PCOLCE2: variants seen among roughly 807,000 people sequenced by gnomAD.
PCOLCE2 encodes the protein procollagen C-proteinase enhancer 2.
A neutral mutation model predicts 47.0 loss-of-function variants in PCOLCE2; 42 were observed. The ratio of observed to expected loss-of-function variants is 0.89; its 90% confidence interval spans 0.70 to 1.16. The LOEUF is 1.16. PCOLCE2 is among the 50% of genes most tolerant of loss of function. The pLI, the probability that PCOLCE2 is intolerant of heterozygous loss-of-function variation, is 0.00. For missense variants in PCOLCE2, 500 were observed against 526.1 expected (o/e 0.95, Z 0.49); for synonymous variants, 169 against 191.7 (o/e 0.88, Z 0.98).
intron 2 of PCOLCE2, among the ~76,000 whole-genome samples, chr3:142,857,681 AG>A (rs1464432593): frequency 2.0e-5 from 3 of 152,246 alleles, no homozygotes; most frequent in Non-Finnish European, 4.4e-5. Flanking sequence ...ATGTGGACAC[AG>A]GGCCACCCTG....
chr3:142,853,118 G>C (rs984756494), intron 2 of PCOLCE2, among the ~76,000 whole-genome samples: 9 of 147,796 alleles, frequency 6.1e-5, no homozygotes, highest in African/African-American at 1.7e-4. Context: ...AAAAAAAAAA[G>C]GGAAAATGGG....
intron 2 of PCOLCE2, among the ~76,000 whole-genome samples, chr3:142,874,481 TC>T (rs1051080273): frequency 1.1e-4 from 16 of 152,200 alleles, no homozygotes; most frequent in Non-Finnish European, 2.1e-4. Context: ...CCTGACACCT[TC>T]CCAGCCATGA....
At chr3:142,888,614 GC>G (rs1933762158) in intron 1 of PCOLCE2, 199 bp downstream of exon 1, 1 of 424,892 alleles carries the variant, frequency 2.4e-6, no homozygotes, top group African/African-American at 2.1e-5. Flanking sequence ...CCAGGAGGGA[GC>G]CCCGCGAGCA....
chr3:142,858,742 T>TGC (rs1249890947), intron 2 of PCOLCE2, among the ~76,000 whole-genome samples: 1 of 141,614 alleles, frequency 7.1e-6, no homozygotes, highest in Non-Finnish European at 1.6e-5. Flanking sequence ...TGTATGTGTG[T>TGC]GTGTGTGTGT....
Position 142,852,222 on chromosome 3 carries a change from A to G in PCOLCE2, c.193-3750T>C, listed in dbSNP as rs185717683. 7.4e-4 allele frequency among the ~76,000 whole-genome samples: 113 copies of G among 152,150 alleles called. 1 individual carries two copies. In the East Asian group the frequency reaches 0.016, roughly 21 times the overall value. ...GTGAGCCTTTTCAGTATGACACAAC[A>G]TCCGTTCTTCATTTTTTATATGAGT... On this transcript the variant is annotated intron_variant, in intron 2 of 8. Coordinates refer to ENST00000295992, the MANE Select transcript of PCOLCE2 (RefSeq NM_013363.4).
chr3:142,862,540 G>A (rs1038137413), intron 2 of PCOLCE2, among the ~76,000 whole-genome samples: 4 of 152,182 alleles, frequency 2.6e-5, no homozygotes, highest in African/African-American at 4.8e-5. Flanking sequence ...TGAAATAAAT[G>A]CTTAAATACA....
chr3:142,829,961 CTTAAAAG>C, intron 5 of PCOLCE2, 115 bp from the exon 6 acceptor site: 1 of 571,400 alleles, frequency 1.8e-6, no homozygotes, highest in Non-Finnish European at 3.0e-6. Context: ...GTTGTTTAAA[CTTAAAAG>C]TTAAAACGTT....
intron 2 of PCOLCE2, among the ~76,000 whole-genome samples, chr3:142,874,557 G>A (rs1933462190): frequency 6.6e-6 from 1 of 152,168 alleles, no homozygotes. Context: ...GTTTTTTATA[G>A]CAGTGTGAAA....
intron 5 of PCOLCE2, among the ~76,000 whole-genome samples, chr3:142,830,512 T>A (rs1391200489): frequency 6.6e-6 from 1 of 152,232 alleles, no homozygotes; most frequent in Non-Finnish European, 1.5e-5. Context: ...GAAACATTTC[T>A]ATTATAATCT....
At chr3:142,878,686 C>G (rs1933547835) in intron 2 of PCOLCE2, among the ~76,000 whole-genome samples, 1 of 152,148 alleles carries the variant, frequency 6.6e-6, no homozygotes, top group Non-Finnish European at 1.5e-5. Flanking sequence ...AAAACCCTAT[C>G]TCTACTAAAA....
At chr3:142,824,952 C>A (rs994031890) in intron 6 of PCOLCE2, among the ~76,000 whole-genome samples, 2 of 152,068 alleles carry the variant, frequency 1.3e-5, no homozygotes, top group Non-Finnish European at 2.9e-5. Context: ...TAATCTGTAC[C>A]CCCTAGTTAA....
chr3:142,859,019 C>T (rs1933126735), intron 2 of PCOLCE2, among the ~76,000 whole-genome samples: 1 of 151,846 alleles, frequency 6.6e-6, no homozygotes, highest in Admixed American at 6.6e-5. Context: ...GAGACCTTTC[C>T]CATTATAGCT....
chr3:142,855,866 C>T (rs778463186), intron 2 of PCOLCE2, among the ~76,000 whole-genome samples: 5 of 152,114 alleles, frequency 3.3e-5, no homozygotes, highest in South Asian at 2.1e-4. Flanking sequence ...CTGCACTGGA[C>T]GGTGAAGGGA....
chr3:142,878,469 G>A (rs1933543792), intron 2 of PCOLCE2, among the ~76,000 whole-genome samples: 1 of 152,198 alleles, frequency 6.6e-6, no homozygotes, highest in African/African-American at 2.4e-5. Context: ...AACTGTCTAA[G>A]TTGAGAGTGG....
intron 2 of PCOLCE2, among the ~76,000 whole-genome samples, chr3:142,866,504 A>T (rs942751639): frequency 6.6e-6 from 1 of 152,194 alleles, no homozygotes; most frequent in Non-Finnish European, 1.5e-5. Context: ...ATCAATCAAT[A>T]ATAAATAAAT....
chr3:142,888,891 C>A lies in PCOLCE2; in HGVS notation c.6G>T (p.Arg2Ser). Residue 2 changes from arginine to serine, a missense_variant, in exon 1 of 9, where the codon AGG becomes AGT. Coordinates refer to ENST00000295992, the MANE Select transcript of PCOLCE2 (RefSeq NM_013363.4). ...AGAGTGGCGCCCAGGCGTTCGCGCC[C>A]CTCATGGCAGCGTAGACGCTCGGGG... MRGANAWAPLCL... is the reference protein window; with the variant it reads MSGANAWAPLCL... 6.7e-7 allele frequency: 1 copy of A among 1,502,590 alleles called. No individual in the cohort carries two copies. Among genetic ancestry groups the A allele is most frequent in the Non-Finnish European group, 8.9e-7 (1 of 1,128,362 alleles). The allele number at this position is 1,502,590 out of a possible 1,614,324, so 93.1% of individuals were successfully genotyped here.
At chr3:142,823,654 T>C in intron 6 of PCOLCE2, 39 bp from the exon 7 acceptor site, 1 of 1,199,106 alleles carries the variant, frequency 8.3e-7, no homozygotes, top group South Asian at 1.3e-5. Context: ...GAAAAATGAA[T>C]TCAAGCATAA....
chr3:142,860,877 T>C (rs896982953), intron 2 of PCOLCE2, among the ~76,000 whole-genome samples: 3 of 152,214 alleles, frequency 2.0e-5, no homozygotes, highest in African/African-American at 7.2e-5. Flanking sequence ...GACTGGTCAC[T>C]CTCAAGGCCT....
intron 3 of PCOLCE2, among the ~76,000 whole-genome samples, chr3:142,845,385 G>C (rs1401198497): frequency 6.6e-6 from 1 of 152,164 alleles, no homozygotes; most frequent in Non-Finnish European, 1.5e-5. Flanking sequence ...ACAACACAGT[G>C]CTAAGGTTTT....
Sources: gnomAD v4.1 joint callset for allele counts (sites outside exome capture counted in the v4.1 genomes callset) on GRCh38, gnomAD v4.1.1 for gene constraint, MANE v1.5 for transcripts, NCBI Gene and HGNC (gene_info 2026-07-23, HGNC 2026-07-21) for gene names.